PCDHGB2: variants seen among roughly 807,000 people sequenced by gnomAD.
PCDHGB2 encodes the protein protocadherin gamma-B2.
In PCDHGB2, 55 loss-of-function variants were observed where a neutral mutation model predicts 59.3. That is an observed-to-expected ratio of 0.93 (90% CI 0.75 to 1.16). PCDHGB2 has a LOEUF of 1.16. Ranked by LOEUF, PCDHGB2 falls within the 50% of genes most tolerant of loss-of-function variation. PCDHGB2 has a pLI of 0.00. For synonymous variants in PCDHGB2, 516 were observed against 512.0 expected, an observed-to-expected ratio of 1.01 and a Z score of -0.11; for missense variants, 1,228 against 1,198.5, an observed-to-expected ratio of 1.02 and a Z score of -0.36.
intron 1 of PCDHGB2, among the ~76,000 whole-genome samples, chr5:141,457,898 A>T (rs1035775197): frequency 6.6e-6 from 1 of 151,874 alleles, no homozygotes; most frequent in Non-Finnish European, 1.5e-5. Context: ...GACTGTGTAG[A>T]CAAGGTGTGA....
At position 141,372,407 on chromosome 5, in the gene PCDHGB2, A is replaced by G. The variant is rs1190545508; in HGVS notation, c.2421+9851A>G. 3.7e-6 allele frequency: 6 copies of G among 1,613,948 alleles called. No individual in the cohort carries two copies. In the Admixed American group the frequency reaches 6.7e-5, roughly 18 times the overall value. On this transcript the variant is annotated intron_variant, in intron 1 of 3. Coordinates refer to ENST00000522605, the MANE Select transcript of PCDHGB2 (RefSeq NM_018923.3). ...TCTTCGCAGATAGCTTGCAAGAGATACAACCTGACCTTAGCGACCGCCCCA... is the reference window on the plus strand; with the variant it reads ...TCTTCGCAGATAGCTTGCAAGAGATGCAACCTGACCTTAGCGACCGCCCCA...
At position 141,491,687 on chromosome 5, in the gene PCDHGB2, G is replaced by T. The variant is rs946829558; in HGVS notation, c.2422-3120G>T. 6.2e-7 allele frequency: 1 copy of T among 1,613,072 alleles called. No individual in the cohort carries two copies. Among genetic ancestry groups the T allele is most frequent in the African/African-American group, 1.3e-5 (1 of 75,046 alleles). On this transcript the variant is annotated intron_variant, in intron 1 of 3. Transcript: ENST00000522605. This position sits in a 1 kb window ranked among gnomAD's most constrained non-coding sequence, Gnocchi z 6.9. ...ATCCGGTCCCGCTCTAATACGCTGC[G>T]GGAGCGGAGCCAGGTGAGGGGCTCG...
chr5:141,430,761 T>G, intron 1 of PCDHGB2: 5 of 1,506,132 alleles, frequency 3.3e-6, no homozygotes, highest in Non-Finnish European at 3.5e-6. Context: ...AAGATAAGAA[T>G]GATTCCTGCG....
chr5:141,410,080 G>A (rs758499736), intron 1 of PCDHGB2: 2 of 1,612,672 alleles, frequency 1.2e-6, no homozygotes, highest in African/African-American at 2.7e-5. Context: ...CTGGGGAGGT[G>A]CGCACGGCTC....
intron 1 of PCDHGB2, chr5:141,377,978 G>C (rs1774513116): frequency 6.6e-6 from 1 of 151,944 alleles, no homozygotes; most frequent in South Asian, 2.1e-4. Flanking sequence ...TATGTTCCTG[G>C]GTTGCAATCC....
At position 141,360,718 on chromosome 5, in the gene PCDHGB2, A is replaced by G; in HGVS notation, c.583A>G (p.Ile195Val). 1 of 1,613,968 alleles carries G rather than the reference A, an allele frequency of 6.2e-7. No individual in the cohort carries two copies. The highest frequency in any genetic ancestry group is 8.5e-7 in the Non-Finnish European group (1 of 1,179,892). The change falls in exon 1 of 4, where the codon ATT becomes GTT. Residue 195 changes from isoleucine (I) to valine (V), a missense_variant. Physicochemically the swap from Ile to Val is conservative, Grantham distance 29. Transcript: ENST00000522605. ...AGATGGTCGTAAATATCCTGAGTTG[A>G]TTCTAAAACACTCTCTGGACAGAGA... ...TPDGRKYPEL[I>V]LKHSLDREEH... is the part of the protein sequence containing the mutation.
intron 2 of PCDHGB2, among the ~76,000 whole-genome samples, chr5:141,504,794 A>G (rs2099841154): frequency 6.6e-6 from 1 of 151,718 alleles, no homozygotes; most frequent in African/African-American, 2.4e-5. Flanking sequence ...GGCCTCCTAC[A>G]TCTCCCCCTA....
intron 1 of PCDHGB2, among the ~76,000 whole-genome samples, chr5:141,467,047 A>G (rs1271306217): frequency 1.3e-5 from 2 of 149,986 alleles, no homozygotes; most frequent in East Asian, 3.9e-4. Context: ...GTAATGAATC[A>G]ATGTTTTCTT....
At chr5:141,419,392 C>A (rs1338481275) in intron 1 of PCDHGB2, 1 of 1,613,612 alleles carries the variant, frequency 6.2e-7, no homozygotes, top group Non-Finnish European at 8.5e-7. Flanking sequence ...GCGCGCAGAG[C>A]GGGGTGGTGT....
chr5:141,399,562 T>G (rs764432886), intron 1 of PCDHGB2: 1 of 1,613,898 alleles, frequency 6.2e-7, no homozygotes, highest in East Asian at 2.2e-5. Flanking sequence ...GGACTTGGGG[T>G]TGAACGGCCA....
Position 141,491,730 on chromosome 5 carries a change from C to G in PCDHGB2, c.2422-3077C>G, listed in dbSNP as rs1346666614. 1 of 1,603,920 alleles carries G rather than the reference C, an allele frequency of 6.2e-7. No homozygotes were observed. Among genetic ancestry groups the G allele is most frequent in the Non-Finnish European group, 8.5e-7 (1 of 1,175,836 alleles). ...GGGGCTCGGCGCCGCCCCGGGCGAC[C>G]CCTGGGGGCGGCACTGGAGAAGCCG... On this transcript the variant is annotated intron_variant, in intron 1 of 3. Coordinates refer to ENST00000522605, the MANE Select transcript of PCDHGB2 (RefSeq NM_018923.3). The surrounding 1 kb of genome is among the most constrained non-coding windows in gnomAD (Gnocchi z 6.9).
At chr5:141,371,755 A>T (rs752277488) in intron 1 of PCDHGB2, 3 of 1,614,030 alleles carry the variant, frequency 1.9e-6, no homozygotes, top group South Asian at 1.1e-5. Flanking sequence ...GTTTTCCACC[A>T]GGCCTCCTAC....
chr5:141,482,383 G>A (rs1594230401), intron 1 of PCDHGB2, among the ~76,000 whole-genome samples: 2 of 152,240 alleles, frequency 1.3e-5, no homozygotes, highest in East Asian at 3.9e-4. Context: ...TAAAGTCCCT[G>A]TATGGAGCAA....
chr5:141,433,837 C>CAAAAAA (rs56191208), intron 1 of PCDHGB2, among the ~76,000 whole-genome samples: 2 of 111,692 alleles, frequency 1.8e-5, no homozygotes, highest in Non-Finnish European at 3.9e-5. Context: ...AACTCTATCT[C>CAAAAAA]AAAAAAAAAA....
At chr5:141,388,800 G>T (rs1193679536) in intron 1 of PCDHGB2, 1 of 1,613,896 alleles carries the variant, frequency 6.2e-7, no homozygotes, top group Non-Finnish European at 8.5e-7. Context: ...AAATACATTA[G>T]ATTTTGAAGA....
intron 1 of PCDHGB2, chr5:141,399,649 G>T: frequency 1.2e-6 from 2 of 1,613,794 alleles, no homozygotes; most frequent in African/African-American, 1.3e-5. Flanking sequence ...CGCGCAAAGT[G>T]GGGTGGTGTT....
At chr5:141,427,944 A>C (rs780874108) in intron 1 of PCDHGB2, 63 of 1,586,294 alleles carry the variant, frequency 4.0e-5, no homozygotes, top group Non-Finnish European at 8.6e-6. Context: ...GGGCGACCTC[A>C]ATGACAATGT....
At chr5:141,494,075 C>T (rs1482844644) in intron 1 of PCDHGB2, among the ~76,000 whole-genome samples, 7 of 152,322 alleles carry the variant, frequency 4.6e-5, no homozygotes, top group East Asian at 1.9e-4. Context: ...GATCCCTCCC[C>T]GCTGCATCCC....
At position 141,485,359 on chromosome 5, in the gene PCDHGB2, C is replaced by G. The variant is rs1233826208; in HGVS notation, c.2422-9448C>G. 6.2e-7 allele frequency: 1 copy of G among 1,614,026 alleles called. No individual in the cohort carries two copies. The highest frequency in any genetic ancestry group is 8.5e-7 in the Non-Finnish European group (1 of 1,180,018). On this transcript the variant is annotated intron_variant, in intron 1 of 3. Transcript: ENST00000522605. This position sits in a 1 kb window ranked among gnomAD's most constrained non-coding sequence, Gnocchi z 5.7. ...TGGATACGGACAGTCTGTCAGCTCG[C>G]AGGCTGCAGGTCGCTGGAGAGGTGA...
Sources: gnomAD v4.1 joint callset for allele counts (sites outside exome capture counted in the v4.1 genomes callset) on GRCh38, gnomAD v4.1.1 for gene constraint, Gnocchi (gnomAD v3.1) non-coding constraint, MANE v1.5 for transcripts, NCBI Gene and HGNC (gene_info 2026-07-23, HGNC 2026-07-21) for gene names.